Variants in SIPA1L1 observed in about 807,000 individuals in gnomAD.
SIPA1L1 encodes signal induced proliferation associated 1 like 1.
A neutral mutation model predicts 162.7 loss-of-function variants in SIPA1L1; 26 were observed. The observed-to-expected ratio is 0.16, with a 90% CI of 0.12 to 0.22. The LOEUF (loss-of-function observed/expected upper bound fraction) is 0.22. SIPA1L1 is among the 10% of genes least tolerant of loss of function. The pLI, the probability that SIPA1L1 is intolerant of heterozygous loss-of-function variation, is 1.00. For missense variants in SIPA1L1, 1,874 were observed against 2,241.0 expected, an observed-to-expected ratio of 0.84 and a Z score of 3.31; for synonymous variants, 829 against 837.4, an observed-to-expected ratio of 0.99 and a Z score of 0.17.
chr14:71,717,907 T>C (rs981017708), intron 17 of SIPA1L1, among the ~76,000 whole-genome samples: 1 of 152,152 alleles, frequency 6.6e-6, no homozygotes, highest in Non-Finnish European at 1.5e-5. Context: ...CTCTGGAAGA[T>C]CTAACACAAG....
chr14:71,435,242 T>C (rs2044285524), intron 2 of SIPA1L1, among the ~76,000 whole-genome samples: 1 of 152,132 alleles, frequency 6.6e-6, no homozygotes, highest in Non-Finnish European at 1.5e-5. Context: ...TTGTTACATA[T>C]ATATACATGC....
chr14:71,545,686 C>G (rs2055124381), intron 4 of SIPA1L1, among the ~76,000 whole-genome samples: 1 of 152,036 alleles, frequency 6.6e-6, no homozygotes, highest in Non-Finnish European at 1.5e-5. Context: ...TTTTTAAACT[C>G]CTTTTTCTGG....
At chr14:71,634,531 T>C (rs1020988517) in intron 7 of SIPA1L1, among the ~76,000 whole-genome samples, 5 of 151,892 alleles carry the variant, frequency 3.3e-5, no homozygotes, top group African/African-American at 1.2e-4. Context: ...AGAAAAGAAC[T>C]GTCAACCCAG....
chr14:71,520,591 A>G (rs748104308), intron 3 of SIPA1L1, among the ~76,000 whole-genome samples: 16 of 151,900 alleles, frequency 1.1e-4, no homozygotes, highest in Non-Finnish European at 2.2e-4. Flanking sequence ...CCTGGTGTTG[A>G]ACTTTCTGTA....
At chr14:71,622,344 A>G (rs2039538564) in intron 6 of SIPA1L1, among the ~76,000 whole-genome samples, 1 of 152,250 alleles carries the variant, frequency 6.6e-6, no homozygotes, top group South Asian at 2.1e-4. Flanking sequence ...TGAGGACTCC[A>G]TTCTTATTTC....
chr14:71,545,420 A>G (rs2055099696), intron 4 of SIPA1L1, among the ~76,000 whole-genome samples: 3 of 152,036 alleles, frequency 2.0e-5, no homozygotes. Flanking sequence ...TTAGATATAG[A>G]TTTTCATTAG....
chr14:71,521,982 T>G (rs1393096755), intron 3 of SIPA1L1, among the ~76,000 whole-genome samples: 1 of 152,224 alleles, frequency 6.6e-6, no homozygotes, highest in Admixed American at 6.5e-5. Flanking sequence ...AAGTCTGTCA[T>G]CTGGGATCAT....
intron 10 of SIPA1L1, among the ~76,000 whole-genome samples, chr14:71,662,037 T>C (rs1043713170): frequency 6.6e-6 from 1 of 152,010 alleles, no homozygotes; most frequent in African/African-American, 2.4e-5. Context: ...AATACTAGAG[T>C]TAGGAGTTGA....
chr14:71,439,964 A>G (rs2044702393), intron 2 of SIPA1L1, among the ~76,000 whole-genome samples: 1 of 152,182 alleles, frequency 6.6e-6, no homozygotes, highest in Non-Finnish European at 1.5e-5. Flanking sequence ...GGGAAGAGGG[A>G]CAGGGAAAGG....
intron 2 of SIPA1L1, among the ~76,000 whole-genome samples, chr14:71,380,678 A>G (rs898894736): frequency 6.6e-6 from 1 of 152,222 alleles, no homozygotes; most frequent in African/African-American, 2.4e-5. Context: ...AGGCCTTGAT[A>G]GAGAGCCATA....
chr14:71,653,831 C>T (rs145605035), intron 8 of SIPA1L1, among the ~76,000 whole-genome samples: 210 of 152,284 alleles, frequency 1.4e-3, no homozygotes, highest in Non-Finnish European at 2.5e-3. Context: ...CCCCACTTTA[C>T]AGAATTGGCT....
intron 2 of SIPA1L1, among the ~76,000 whole-genome samples, chr14:71,350,226 AACACACACAC>A (rs10664371): frequency 6.8e-6 from 1 of 146,812 alleles, no homozygotes; most frequent in South Asian, 2.2e-4. Flanking sequence ...GTCTCTACTA[AACACACACAC>A]ACACACACAC....
chr14:71,325,627 A>C (rs773586910), intron 2 of SIPA1L1, among the ~76,000 whole-genome samples: 11 of 152,212 alleles, frequency 7.2e-5, no homozygotes, highest in Non-Finnish European at 1.5e-4. Flanking sequence ...GTTTTCTTAA[A>C]GGCATAGAGA....
chr14:71,548,212 G>A (rs2055427839), intron 4 of SIPA1L1, among the ~76,000 whole-genome samples: 1 of 152,064 alleles, frequency 6.6e-6, no homozygotes, highest in African/African-American at 2.4e-5. Flanking sequence ...AGGCAAACAT[G>A]TGCTACTTAG....
intron 4 of SIPA1L1, among the ~76,000 whole-genome samples, chr14:71,583,326 T>G (rs1039009505): frequency 6.6e-6 from 1 of 152,158 alleles, no homozygotes; most frequent in African/African-American, 2.4e-5. Flanking sequence ...AGTGTATATC[T>G]CTGAATTATT....
intron 4 of SIPA1L1, among the ~76,000 whole-genome samples, chr14:71,561,405 TC>T (rs1259467627): frequency 6.6e-6 from 1 of 152,184 alleles, no homozygotes; most frequent in Non-Finnish European, 1.5e-5. Flanking sequence ...ATTTAGCTGA[TC>T]GCAATCCAAT....
At chr14:71,691,521 C>T (rs911882918) in intron 13 of SIPA1L1, among the ~76,000 whole-genome samples, 2 of 152,120 alleles carry the variant, frequency 1.3e-5, no homozygotes, top group African/African-American at 4.8e-5. Flanking sequence ...TGAGCCTGGG[C>T]ATTTGAGGCT....
intron 2 of SIPA1L1, among the ~76,000 whole-genome samples, chr14:71,427,391 A>T (rs993741135): frequency 6.6e-6 from 1 of 152,188 alleles, no homozygotes; most frequent in African/African-American, 2.4e-5. Context: ...TCTGATGAGA[A>T]AACTGCTAAT....
chr14:71,414,503 A>G (rs2042622711), intron 2 of SIPA1L1, among the ~76,000 whole-genome samples: 1 of 152,266 alleles, frequency 6.6e-6, no homozygotes, highest in African/African-American at 2.4e-5. Flanking sequence ...GGAAAAGGAA[A>G]ATATGGGAAA....
Sources: gnomAD v4.1 joint callset for allele counts (sites outside exome capture counted in the v4.1 genomes callset) on GRCh38, gnomAD v4.1.1 for gene constraint, MANE v1.5 for transcripts, NCBI Gene and HGNC (gene_info 2026-07-23, HGNC 2026-07-21) for gene names.